PCDHGA5: variants seen among roughly 807,000 people sequenced by gnomAD.
The protein encoded by PCDHGA5 is protocadherin gamma-A5.
A neutral mutation model predicts 56.7 loss-of-function variants in PCDHGA5; 36 were observed. That is an observed-to-expected ratio of 0.64 (90% CI 0.49 to 0.84). PCDHGA5 has a LOEUF of 0.84. PCDHGA5 is among the 40% of genes least tolerant of loss of function. The pLI, the probability that PCDHGA5 is intolerant of heterozygous loss-of-function variation, is 0.00. For synonymous variants in PCDHGA5, 563 were observed against 520.2 expected, an observed-to-expected ratio of 1.08 and a Z score of -1.12; for missense variants, 1,305 against 1,201.5, an observed-to-expected ratio of 1.09 and a Z score of -1.27.
In PCDHGA5 at chr5:141,452,847, T is replaced by G. The variant is rs575815407; in HGVS notation, c.2422-41960T>G. Among the ~76,000 whole-genome samples, 42 of 152,304 alleles carry G rather than the reference T, an allele frequency of 2.8e-4. 1 individual carries two copies. Among genetic ancestry groups the G allele is most frequent in the Admixed American group, 2.5e-3 (38 of 15,302 alleles). ...AAATCACTTGGTCCAGCCCACACTC[T>G]GGGGAGATGATTTTCTAACTCCATT... On this transcript the variant is annotated intron_variant, in intron 1 of 3. Coordinates refer to ENST00000518069, the MANE Select transcript of PCDHGA5 (RefSeq NM_018918.3).
intron 2 of PCDHGA5, among the ~76,000 whole-genome samples, chr5:141,502,827 A>G (rs1003204508): frequency 2.7e-5 from 4 of 150,478 alleles, no homozygotes; most frequent in African/African-American, 9.8e-5. Flanking sequence ...TCCTTGGGGA[A>G]GCCTGGACTG....
intron 1 of PCDHGA5, among the ~76,000 whole-genome samples, chr5:141,437,450 G>A (rs2097885331): frequency 6.6e-6 from 1 of 152,148 alleles, no homozygotes; most frequent in Non-Finnish European, 1.5e-5. Context: ...GAATGTTGAG[G>A]AGACTATACT....
chr5:141,426,630 T>C, intron 1 of PCDHGA5: 1 of 398,080 alleles, frequency 2.5e-6, no homozygotes, highest in South Asian at 1.8e-5. Context: ...TCTAAATGTT[T>C]TTCACATAAA....
chr5:141,507,851 C>T (rs570052933), intron 3 of PCDHGA5, among the ~76,000 whole-genome samples: 48 of 152,322 alleles, frequency 3.2e-4, no homozygotes, highest in African/African-American at 1.1e-3. Context: ...CCTGCTCTCA[C>T]TTTCACACCC....
At chr5:141,463,553 A>G (rs1163004575) in intron 1 of PCDHGA5, among the ~76,000 whole-genome samples, 3 of 140,962 alleles carry the variant, frequency 2.1e-5, no homozygotes, top group Non-Finnish European at 4.5e-5. Context: ...GGTTCATGCC[A>G]TTCTCCTGCC....
chr5:141,437,030 A>G (rs1246601314), intron 1 of PCDHGA5, among the ~76,000 whole-genome samples: 1 of 152,248 alleles, frequency 6.6e-6, no homozygotes, highest in Non-Finnish European at 1.5e-5. Context: ...CAGAAAATGG[A>G]TCACCGAAAC....
At chr5:141,420,369 T>C in intron 1 of PCDHGA5, 2 of 1,349,364 alleles carry the variant, frequency 1.5e-6, no homozygotes, top group Non-Finnish European at 2.0e-6. Flanking sequence ...AGATAACTTC[T>C]TCATAGAGTT....
At position 141,432,349 on chromosome 5, in the gene PCDHGA5, G is replaced by T; in HGVS notation, c.2422-62458G>T. On this transcript the variant is annotated intron_variant, in intron 1 of 3. Transcript: ENST00000518069. This position sits in a 1 kb window ranked among gnomAD's most constrained non-coding sequence, Gnocchi z 6.0. Reference sequence around the variant, plus strand: ...ACGAGCAGTTCCGAGACTTGCAAGTGAAAGTGATGGCGCGGGACAACGGGC... The same window carrying T: ...ACGAGCAGTTCCGAGACTTGCAAGTTAAAGTGATGGCGCGGGACAACGGGC... 4 of 1,614,240 alleles carry T rather than the reference G, an allele frequency of 2.5e-6. No homozygotes were observed. Among genetic ancestry groups the T allele is most frequent in the Non-Finnish European group, 1.7e-6 (2 of 1,180,046 alleles).
At position 141,400,246 on chromosome 5, in the gene PCDHGA5, G is replaced by T. The variant is rs373890751; in HGVS notation, c.2421+33495G>T. 4 of 1,613,986 alleles carry T rather than the reference G, an allele frequency of 2.5e-6. No individual in the cohort carries two copies. In the East Asian group the frequency reaches 6.7e-5, roughly 27 times the overall value. Reference sequence around the variant, plus strand: ...CTTCCTCCTGGCCGTGATTCTGGCCGTTGCCTTGCGCCTGCGACGCTCCTC... The same window carrying T: ...CTTCCTCCTGGCCGTGATTCTGGCCTTTGCCTTGCGCCTGCGACGCTCCTC... On this transcript the variant is annotated intron_variant, in intron 1 of 3. Transcript: ENST00000518069.
intron 1 of PCDHGA5, among the ~76,000 whole-genome samples, chr5:141,456,845 C>T (rs1308477735): frequency 6.6e-6 from 1 of 152,092 alleles, no homozygotes; most frequent in African/African-American, 2.4e-5. Context: ...CGCCTGTAAT[C>T]CCAGCTAATT....
At chr5:141,464,407 A>G (rs996561936) in intron 1 of PCDHGA5, among the ~76,000 whole-genome samples, 1 of 151,544 alleles carries the variant, frequency 6.6e-6, no homozygotes, top group Non-Finnish European at 1.5e-5. Flanking sequence ...CCTGAGATAT[A>G]TATATATCTA....
chr5:141,393,304 T>A, intron 1 of PCDHGA5: 1 of 1,613,798 alleles, frequency 6.2e-7, no homozygotes, highest in African/African-American at 1.3e-5. Flanking sequence ...GATGTGGGCG[T>A]GAACTCCCTC....
intron 1 of PCDHGA5, among the ~76,000 whole-genome samples, chr5:141,401,408 A>G (rs943963302): frequency 6.6e-6 from 1 of 152,200 alleles, no homozygotes; most frequent in Non-Finnish European, 1.5e-5. Flanking sequence ...TATGAGAGAG[A>G]AAGAGAGAGA....
chr5:141,369,608 T>G (rs1266511682), intron 1 of PCDHGA5, among the ~76,000 whole-genome samples: 1 of 152,214 alleles, frequency 6.6e-6, no homozygotes, highest in Non-Finnish European at 1.5e-5. Flanking sequence ...TTTTATAAGG[T>G]CAATCATTTC....
intron 1 of PCDHGA5, chr5:141,414,511 G>A: frequency 1.2e-6 from 2 of 1,613,972 alleles, no homozygotes; most frequent in African/African-American, 1.3e-5. Context: ...TATGCTACAA[G>A]TGGCAGATAT....
chr5:141,374,116 C>G (rs1328761924), intron 1 of PCDHGA5: 9 of 1,580,694 alleles, frequency 5.7e-6, no homozygotes, highest in Non-Finnish European at 8.6e-7. Context: ...CGCAGCGCAG[C>G]GAGCAGGTCC....
chr5:141,455,787 C>T (rs1259121501), intron 1 of PCDHGA5, among the ~76,000 whole-genome samples: 2 of 152,004 alleles, frequency 1.3e-5, no homozygotes, highest in Non-Finnish European at 2.9e-5. Flanking sequence ...GAAACTTTTC[C>T]GGAGATGCTT....
In PCDHGA5 at chr5:141,491,723, G is replaced by A. The variant is rs764792125; in HGVS notation, c.2422-3084G>A. The A allele has an allele frequency of 1.7e-5, 27 of 1,606,770 alleles. No individual in the cohort carries two copies. In the African/African-American group the frequency reaches 3.2e-4, roughly 19 times the overall value. On this transcript the variant is annotated intron_variant, in intron 1 of 3. Coordinates refer to ENST00000518069, the MANE Select transcript of PCDHGA5 (RefSeq NM_018918.3). The surrounding 1 kb of genome is among the most constrained non-coding windows in gnomAD (Gnocchi z 6.9). The stretch of plus-strand genomic sequence containing the variant: ...CAGGTGAGGGGCTCGGCGCCGCCCC[G>A]GGCGACCCCTGGGGGCGGCACTGGA...
At position 141,431,056 on chromosome 5, in the gene PCDHGA5, C is replaced by T; in HGVS notation, c.2422-63751C>T. ...ACCGGGAGGAGCTCTGTATGGGGGC[C>T]ATCAAGTGTCAATTAAATCTAGACA... On this transcript the variant is annotated intron_variant, in intron 1 of 3. Transcript: ENST00000518069. The surrounding 1 kb of genome is among the most constrained non-coding windows in gnomAD (Gnocchi z 4.8). 1 of 1,614,126 alleles carries T rather than the reference C, an allele frequency of 6.2e-7. No homozygotes were observed. The highest frequency in any genetic ancestry group is 8.5e-7 in the Non-Finnish European group (1 of 1,180,000).
Sources: allele counts gnomAD v4.1 joint callset (sites outside exome capture counted in the v4.1 genomes callset), GRCh38; gene constraint gnomAD v4.1.1; non-coding constraint Gnocchi (gnomAD v3.1); transcripts MANE v1.5; gene names NCBI Gene and HGNC (gene_info 2026-07-23, HGNC 2026-07-21).